The following DNAJC9 variants were observed in gnomAD, a reference collection of about 807,000 sequenced individuals.
The protein encoded by DNAJC9 is DnaJ heat shock protein family (Hsp40) member C9.
Under a neutral mutation model 32.4 loss-of-function variants are expected in DNAJC9, and 18 were observed. That is an observed-to-expected ratio of 0.56 (90% confidence interval 0.38 to 0.82). The LOEUF (loss-of-function observed/expected upper bound fraction) is 0.82. DNAJC9 is among the 40% of genes least tolerant of loss of function. DNAJC9 has a pLI of 0.00. For synonymous variants in DNAJC9, 113 were observed against 122.1 expected, an observed-to-expected ratio of 0.93 and a Z score of 0.49; for missense variants, 310 against 321.8, an observed-to-expected ratio of 0.96 and a Z score of 0.28.
At chr10:73,241,207 A>G, downstream of DNAJC9, 1 of 559,824 alleles carries the variant, frequency 1.8e-6, no homozygotes, top group Admixed American at 2.9e-5. Flanking sequence ...TGTTGTTTCT[A>G]TCTCCAGTTA....
downstream of DNAJC9, among the ~76,000 whole-genome samples, chr10:73,237,342 T>A (rs2043843860): frequency 2.6e-5 from 4 of 152,218 alleles, no homozygotes; most frequent in Admixed American, 2.6e-4. Context: ...TTCTACTGAA[T>A]TTGCCTTCTT....
At chr10:73,234,856 G>A (rs191145472), downstream of DNAJC9, 28 of 1,551,576 alleles carry the variant, frequency 1.8e-5, no homozygotes, top group African/African-American at 2.3e-4. Flanking sequence ...CCTCACCGAC[G>A]CCCCTGAGTC....
At chr10:73,235,231 G>A (rs535038422), downstream of DNAJC9, 32 of 1,551,724 alleles carry the variant, frequency 2.1e-5, no homozygotes, top group African/African-American at 1.6e-4. Context: ...AAAGTGCGGT[G>A]GTGGATGAAC....
At chr10:73,232,856 T>C (rs2292948) in intron 2 of DNAJC9, 68,135 of 819,028 alleles carry the variant, frequency 0.083, 4,619 homozygotes, top group East Asian at 0.29. Context: ...TAGTTTCTAG[T>C]CTAAGGCTTT....
chr10:73,233,483 C>T (rs546791453), intron 2 of DNAJC9, among the ~76,000 whole-genome samples: 22 of 152,154 alleles, frequency 1.4e-4, no homozygotes, highest in Non-Finnish European at 2.9e-4. Context: ...GGACCACAGG[C>T]GGGTGGTGCC....
At chr10:73,244,022 T>C (rs1451379469) in intron 3 of DNAJC9, 93 bp from the exon 4 acceptor site, 2 of 1,026,466 alleles carry the variant, frequency 1.9e-6, no homozygotes, top group Non-Finnish European at 2.9e-6. Context: ...TCTGTTTCAA[T>C]TTTATGAATA....
rs200932919 is a variant in DNAJC9, at chr10:73,245,344, AC to A, written c.576+577del. The stretch of plus-strand genomic sequence containing the variant: ...ATGATCTAAGGTTTCATCCTGAACC[AC>A]CCCCCCAACTCTCCTCACCCCCACT... On this transcript the variant is annotated intron_variant, in intron 3 of 4. Coordinates refer to ENST00000372950, the MANE Select transcript of DNAJC9 (RefSeq NM_015190.5). Among the ~76,000 whole-genome samples, 1,277 of 141,776 alleles carry A rather than the reference AC, an allele frequency of 9.0e-3. 16 individuals are homozygous for A. Among genetic ancestry groups the A allele is most frequent in the African/African-American group, 0.032 (1,212 of 38,280 alleles). 93.0% of individuals were successfully genotyped at this position (141,776 alleles called of 152,430 possible). A position where few individuals can be genotyped will look rare whatever the true frequency, so the allele number is the denominator to read the frequency against.
chr10:73,243,596 G>C, intron 4 of DNAJC9, 77 bp from the exon 5 acceptor site: 2 of 1,568,696 alleles, frequency 1.3e-6, no homozygotes, highest in Admixed American at 3.7e-5. Context: ...CCAGGGGCTG[G>C]AAAAGTGGAA....
At chr10:73,239,174 C>G, downstream of DNAJC9, 3 of 634,510 alleles carry the variant, frequency 4.7e-6, no homozygotes, top group Non-Finnish European at 5.5e-6. Flanking sequence ...ACCCAGTGCA[C>G]TCAGCTGACT....
At chr10:73,244,071 C>T (rs543162418) in intron 3 of DNAJC9, 142 bp from the exon 4 acceptor site, 6 of 647,372 alleles carry the variant, frequency 9.3e-6, no homozygotes, top group Non-Finnish European at 1.6e-5. Flanking sequence ...ATAACTATGT[C>T]ATTCATTAAA....
chr10:73,235,736 T>C (rs116021703), downstream of DNAJC9, among the ~76,000 whole-genome samples: 993 of 152,292 alleles, frequency 6.5e-3, 8 homozygotes, highest in African/African-American at 0.023. Context: ...GCTCTTGCCA[T>C]GTTGCCCAGA....
chr10:73,235,680 G>A (rs2043804690), downstream of DNAJC9, among the ~76,000 whole-genome samples: 1 of 152,168 alleles, frequency 6.6e-6, no homozygotes, highest in Non-Finnish European at 1.5e-5. Context: ...GAGTCCTGGT[G>A]GATGAGTGAG....
chr10:73,238,555 A>C (rs1251353888), downstream of DNAJC9, among the ~76,000 whole-genome samples: 2 of 152,246 alleles, frequency 1.3e-5, no homozygotes, highest in African/African-American at 4.8e-5. Flanking sequence ...CCTTCATACC[A>C]TAACAGCGAA....
chr10:73,245,604 C>CG (rs752806798), intron 3 of DNAJC9, among the ~76,000 whole-genome samples: 26 of 152,180 alleles, frequency 1.7e-4, no homozygotes, highest in Non-Finnish European at 3.7e-4. Flanking sequence ...CCTGTGTACC[C>CG]GGGTTCCACT....
rs762301446 is a variant in DNAJC9 at position 73,246,963 on chromosome 10, G to C, written c.180+47C>G. The C allele has an allele frequency of 3.2e-6, 5 of 1,554,080 alleles. No homozygotes were observed. The African/African-American group carries it at 4.1e-5, about 13-fold the overall frequency. On this transcript the variant is annotated intron_variant, in intron 1 of 4. Transcript: ENST00000372950. ...CGGGGCCCGGTAGCCAAAAGGCTAG[G>C]GGGAGGCCCGCGCAGCCGGTCGGCT...
chr10:73,245,779 C>T, intron 3 of DNAJC9, 143 bp downstream of exon 3: 2 of 968,694 alleles, frequency 2.1e-6, no homozygotes, highest in Non-Finnish European at 1.5e-6. Flanking sequence ...ACTGGTATGC[C>T]CATTTTATTA....
downstream of DNAJC9, chr10:73,241,082 C>A: frequency 2.2e-6 from 2 of 917,146 alleles, no homozygotes; most frequent in South Asian, 1.4e-5. Context: ...AGTATTCAGT[C>A]ATCAAGTGAT....
chr10:73,246,464 T>C (rs542593152), intron 2 of DNAJC9, among the ~76,000 whole-genome samples: 7 of 152,120 alleles, frequency 4.6e-5, no homozygotes, highest in Non-Finnish European at 8.8e-5. Context: ...ATAAAGCGCA[T>C]CCGGCAAAAA....
At position 73,232,660 on chromosome 10, in the gene DNAJC9, A is replaced by T. The variant is rs116279474; in HGVS notation, n.147+11183T>A. On this transcript the variant is annotated intron_variant and non_coding_transcript_variant, in intron 2 of 2. Transcript: ENST00000469143. The stretch of plus-strand genomic sequence containing the variant: ...GCTTGCCTTCACTGGTGACTAAAAA[A>T]GTGACTGTGATGGCAGGTGGATAAT... Among the ~76,000 whole-genome samples the T allele has an allele frequency of 6.2e-3, 952 of 152,350 alleles. 20 individuals are homozygous for T. The highest frequency in any genetic ancestry group is 0.022 in the African/African-American group (909 of 41,578).
Sources: gnomAD v4.1 joint callset for allele counts (sites outside exome capture counted in the v4.1 genomes callset) on GRCh38, gnomAD v4.1.1 for gene constraint, MANE v1.5 for transcripts, NCBI Gene and HGNC (gene_info 2026-07-23, HGNC 2026-07-21) for gene names.